The following PDZRN4 variants were observed in gnomAD, a reference collection of about 807,000 sequenced individuals.
PDZRN4 encodes the protein PDZ domain-containing RING finger protein 4.
In PDZRN4, 70 loss-of-function variants were observed where a neutral mutation model predicts 99.0. That is an observed-to-expected ratio of 0.71 (90% CI 0.58 to 0.86). The LOEUF (loss-of-function observed/expected upper bound fraction) is 0.86, where lower values mean the gene tolerates loss of function less well. Among genes scored for constraint, PDZRN4 ranks in the 40% least tolerant of loss-of-function variants. The pLI, the probability that PDZRN4 is intolerant of heterozygous loss-of-function variation, is 0.00. For synonymous variants in PDZRN4, 551 were observed against 501.6 expected, an observed-to-expected ratio of 1.10 and a Z score of -1.32; for missense variants, 1,474 against 1,331.2, an observed-to-expected ratio of 1.11 and a Z score of -1.67.
At chr12:41,334,795 C>CT (rs1419847927) in intron 3 of PDZRN4, among the ~76,000 whole-genome samples, 1 of 152,134 alleles carries the variant, frequency 6.6e-6, no homozygotes, top group Non-Finnish European at 1.5e-5. Flanking sequence ...GTCACTGAAA[C>CT]TGTAACCTTG....
At chr12:41,336,597 G>T (rs376806728) in intron 3 of PDZRN4, among the ~76,000 whole-genome samples, 4 of 152,104 alleles carry the variant, frequency 2.6e-5, no homozygotes, top group South Asian at 2.1e-4. Flanking sequence ...TATCAAGACA[G>T]GGGAATTGCA....
chr12:41,318,884 A>T (rs1049342947), intron 3 of PDZRN4, among the ~76,000 whole-genome samples: 8 of 152,190 alleles, frequency 5.3e-5, no homozygotes, highest in African/African-American at 1.9e-4. Context: ...ATTAATAATT[A>T]TCATTTAATA....
chr12:41,407,938 A>T (rs1276992893), intron 3 of PDZRN4, among the ~76,000 whole-genome samples: 1 of 152,220 alleles, frequency 6.6e-6, no homozygotes, highest in Non-Finnish European at 1.5e-5. Flanking sequence ...CCTGGATGTT[A>T]TGTACAGAAT....
At chr12:41,512,204 C>T (rs1938318197) in intron 5 of PDZRN4, among the ~76,000 whole-genome samples, 1 of 152,024 alleles carries the variant, frequency 6.6e-6, no homozygotes, top group Admixed American at 6.6e-5. Context: ...TTAATGAGGA[C>T]TTAAAATGTA....
chr12:41,452,639 A>C (rs746295284), intron 3 of PDZRN4, among the ~76,000 whole-genome samples: 8 of 152,100 alleles, frequency 5.3e-5, no homozygotes, highest in Non-Finnish European at 1.0e-4. Context: ...CCACAGAGTC[A>C]AACTCTTTAC....
chr12:41,502,567 C>T (rs1038905756), intron 3 of PDZRN4, among the ~76,000 whole-genome samples: 16 of 152,244 alleles, frequency 1.1e-4, no homozygotes, highest in African/African-American at 3.6e-4. Context: ...AAAATCAACT[C>T]ATCTGTATTC....
intron 5 of PDZRN4, among the ~76,000 whole-genome samples, chr12:41,541,696 G>A (rs998803869): frequency 1.9e-4 from 29 of 151,840 alleles, no homozygotes; most frequent in African/African-American, 7.0e-4. Flanking sequence ...CTCATGATCC[G>A]CCTGCCTCGG....
intron 3 of PDZRN4, among the ~76,000 whole-genome samples, chr12:41,290,825 C>A (rs1369827123): frequency 2.6e-5 from 4 of 151,948 alleles, no homozygotes; most frequent in Non-Finnish European, 5.9e-5. Flanking sequence ...ATGAATACCC[C>A]CTTTAGAAGT....
At chr12:41,439,847 G>A (rs115291485) in intron 3 of PDZRN4, among the ~76,000 whole-genome samples, 34 of 152,278 alleles carry the variant, frequency 2.2e-4, no homozygotes, top group African/African-American at 7.2e-4. Flanking sequence ...CCAGCTTAAA[G>A]GTCTTGCATG....
At chr12:41,555,116 A>T (rs1247107443) in intron 6 of PDZRN4, among the ~76,000 whole-genome samples, 2 of 150,042 alleles carry the variant, frequency 1.3e-5, no homozygotes, top group African/African-American at 2.4e-5. Flanking sequence ...CTGTAGTCAC[A>T]GCTACTCGGG....
chr12:41,358,507 T>C (rs1951943357), intron 3 of PDZRN4, among the ~76,000 whole-genome samples: 2 of 152,080 alleles, frequency 1.3e-5, no homozygotes. Context: ...TTTTCCATTG[T>C]ATAGATGAAA....
chr12:41,508,492 C>T (rs1938246633), intron 4 of PDZRN4, among the ~76,000 whole-genome samples: 2 of 152,166 alleles, frequency 1.3e-5, no homozygotes, highest in Admixed American at 1.3e-4. Flanking sequence ...TTGCATCTGG[C>T]AGCCACTAAA....
chr12:41,367,310 G>T (rs141808125), intron 3 of PDZRN4, among the ~76,000 whole-genome samples: 6 of 152,162 alleles, frequency 3.9e-5, no homozygotes, highest in South Asian at 4.2e-4. Context: ...AGGATTTTGA[G>T]ATCAGCCTGA....
At chr12:41,478,532 T>C (rs933293912) in intron 3 of PDZRN4, among the ~76,000 whole-genome samples, 9 of 152,214 alleles carry the variant, frequency 5.9e-5, no homozygotes, top group Admixed American at 1.3e-4. Context: ...TATTATAATA[T>C]GTAAAATGTT....
In PDZRN4 at chr12:41,313,644, C is replaced by T. The variant is rs544550014; in HGVS notation, c.843+119456C>T. On this transcript the variant is annotated intron_variant, in intron 3 of 9. Coordinates refer to ENST00000402685, the MANE Select transcript of PDZRN4 (RefSeq NM_001164595.2). ...TCCAAGAGAAGGAATTCTTCCTCCT[C>T]GTTGAGCCCCATCCATGGACATCAG... is the stretch of plus-strand genomic sequence containing the variant. Among the ~76,000 whole-genome samples, 9 of 152,306 alleles carry T rather than the reference C, an allele frequency of 5.9e-5. No homozygotes were observed. The East Asian group carries it at 7.7e-4, about 13-fold the overall frequency.
intron 3 of PDZRN4, chr12:41,411,413 G>A (rs1361023475): frequency 6.6e-6 from 1 of 152,114 alleles, no homozygotes; most frequent in East Asian, 1.9e-4. Flanking sequence ...CTCCCCTTAG[G>A]TTTCTCTGCT....
At chr12:41,234,856 T>A (rs1483965955) in intron 3 of PDZRN4, among the ~76,000 whole-genome samples, 1 of 151,996 alleles carries the variant, frequency 6.6e-6, no homozygotes, top group Non-Finnish European at 1.5e-5. Context: ...AAAGATGAAA[T>A]GTCAATGAGC....
At chr12:41,569,650 C>A (rs947056537) in intron 9 of PDZRN4, among the ~76,000 whole-genome samples, 1 of 152,172 alleles carries the variant, frequency 6.6e-6, no homozygotes, top group Non-Finnish European at 1.5e-5. Flanking sequence ...TATCACTTTA[C>A]CATGTTGAAT....
intron 3 of PDZRN4, among the ~76,000 whole-genome samples, chr12:41,269,981 C>T (rs1481174473): frequency 2.0e-5 from 3 of 152,238 alleles, no homozygotes; most frequent in African/African-American, 7.2e-5. Flanking sequence ...CCCTACCTCT[C>T]TCTTTTGCTT....
Sources: allele counts gnomAD v4.1 joint callset (sites outside exome capture counted in the v4.1 genomes callset), GRCh38; gene constraint gnomAD v4.1.1; transcripts MANE v1.5; gene names NCBI Gene and HGNC (gene_info 2026-07-23, HGNC 2026-07-21).